The following NME7 variants were observed in gnomAD, a reference collection of about 807,000 sequenced individuals.
The protein encoded by NME7 is nucleoside diphosphate kinase 7.
In NME7, 41 loss-of-function variants were observed where a neutral mutation model predicts 49.1. The observed-to-expected ratio is 0.83, with a 90% confidence interval of 0.65 to 1.08. NME7 has a LOEUF of 1.08. Among genes scored for constraint, NME7 ranks in the 50% least tolerant of loss-of-function variants. The pLI, the probability that NME7 is intolerant of heterozygous loss-of-function variation, is 0.00. For synonymous variants in NME7, 139 were observed against 150.6 expected, an observed-to-expected ratio of 0.92 and a Z score of 0.56; for missense variants, 423 against 463.4, an observed-to-expected ratio of 0.91 and a Z score of 0.80.
chr1:169,233,157 A>G (rs1480702026), intron 9 of NME7, among the ~76,000 whole-genome samples: 1 of 151,664 alleles, frequency 6.6e-6, no homozygotes, highest in African/African-American at 2.4e-5. Flanking sequence ...TTTATAGCAT[A>G]TATAGATGTA....
In NME7 at chr1:169,276,083, G is replaced by T. The variant is rs1182205493; in HGVS notation, c.754+11220C>A. ...CTTTTTGATGTGCTTGCTGGATTCA[G>T]TTTGCCAGTATTTTATTGAGGATTT... On this transcript the variant is annotated intron_variant, in intron 7 of 11. Coordinates refer to ENST00000367811, the MANE Select transcript of NME7 (RefSeq NM_013330.5). Among the ~76,000 whole-genome samples, 2 of 134,084 alleles carry T rather than the reference G, an allele frequency of 1.5e-5. 1 individual carries two copies. Among genetic ancestry groups the T allele is most frequent in the East Asian group, 4.0e-4 (2 of 5,036 alleles). 88.0% of individuals were successfully genotyped at this position (134,084 alleles called of 152,430 possible).
intron 10 of NME7, among the ~76,000 whole-genome samples, chr1:169,211,158 T>C (rs1289012646): frequency 6.6e-6 from 1 of 152,172 alleles, no homozygotes; most frequent in African/African-American, 2.4e-5. Flanking sequence ...ATTACCATAT[T>C]TGGTGAACTA....
chr1:169,183,675 G>A (rs947919589), intron 10 of NME7, among the ~76,000 whole-genome samples: 11 of 128,192 alleles, frequency 8.6e-5, no homozygotes, highest in South Asian at 2.6e-4. Flanking sequence ...GGTGGCAGGC[G>A]CCTGTAGTCC....
intron 6 of NME7, among the ~76,000 whole-genome samples, chr1:169,290,905 T>G (rs1368734676): frequency 2.0e-5 from 3 of 151,726 alleles, no homozygotes; most frequent in South Asian, 4.2e-4. Context: ...AGCCAACATA[T>G]GAAAAAAAGC....
chr1:169,169,501 A>T lies in NME7; in HGVS notation c.1044T>A (p.Thr348=), dbSNP rs200097150. ...PGTLRAIFGK[T]KIQNAVHCTD... is the part of the protein sequence containing the mutation. ...TACAGTGAACAGCATTCTGGATCTT[A>T]GTTTTACCAAAGATTGCTCTGAGAG... Residue 348 remains threonine (T), a synonymous_variant, in exon 11 of 12, where the codon ACT becomes ACA. Transcript: ENST00000367811. The T allele has an allele frequency of 3.3e-5, 53 of 1,614,078 alleles. No individual in the cohort carries two copies. In the East Asian group the frequency reaches 1.1e-3, roughly 33 times the overall value.
intron 1 of NME7, among the ~76,000 whole-genome samples, chr1:169,364,739 G>A (rs1305495217): frequency 6.6e-6 from 1 of 152,200 alleles, no homozygotes; most frequent in African/African-American, 2.4e-5. Context: ...AACTATGGGA[G>A]AAATTTATAG....
At chr1:169,182,344 C>G (rs1659953454) in intron 10 of NME7, among the ~76,000 whole-genome samples, 1 of 151,994 alleles carries the variant, frequency 6.6e-6, no homozygotes, top group Admixed American at 6.6e-5. Context: ...TCAGCTTGCA[C>G]AAAACTAACC....
intron 11 of NME7, among the ~76,000 whole-genome samples, chr1:169,134,716 G>C (rs10919074): frequency 0.097 from 14,769 of 152,050 alleles, 948 homozygotes; most frequent in Admixed American, 0.2. Context: ...CTTCAATTAA[G>C]AATAGTTTAA....
At chr1:169,219,721 A>G (rs1661084106) in intron 10 of NME7, among the ~76,000 whole-genome samples, 1 of 152,082 alleles carries the variant, frequency 6.6e-6, no homozygotes. Flanking sequence ...ATTGCAATTT[A>G]TTTGTCTGAT....
At chr1:169,323,402 C>A in intron 2 of NME7, 119 bp from the exon 3 acceptor site, 1 of 774,528 alleles carries the variant, frequency 1.3e-6, no homozygotes, top group Non-Finnish European at 1.8e-6. Flanking sequence ...AGGTTATATT[C>A]TGTTTCTTTT....
chr1:169,366,536 G>T (rs947028482), intron 1 of NME7, among the ~76,000 whole-genome samples: 7 of 152,212 alleles, frequency 4.6e-5, no homozygotes, highest in African/African-American at 7.2e-5. Context: ...AAGGCTGAAC[G>T]CACAGGAAAG....
intron 10 of NME7, among the ~76,000 whole-genome samples, chr1:169,216,649 A>G (rs60378653): frequency 0.07 from 10,661 of 152,298 alleles, 1,482 homozygotes; most frequent in East Asian, 0.66. Flanking sequence ...GTAAAAGCAC[A>G]AGCAAAACAA....
intron 10 of NME7, among the ~76,000 whole-genome samples, chr1:169,216,212 C>T (rs1265499137): frequency 2.6e-5 from 4 of 152,190 alleles, no homozygotes; most frequent in South Asian, 4.1e-4. Context: ...GCTGACACCA[C>T]CCAGGTAGCT....
chr1:169,138,992 T>C (rs1305271444), intron 11 of NME7, among the ~76,000 whole-genome samples: 2 of 152,222 alleles, frequency 1.3e-5, no homozygotes, highest in African/African-American at 2.4e-5. Flanking sequence ...GCCTCGAAGA[T>C]GGTTTTGGTT....
intron 7 of NME7, among the ~76,000 whole-genome samples, chr1:169,271,175 G>A (rs1649478909): frequency 7.5e-6 from 1 of 133,352 alleles, no homozygotes. Flanking sequence ...AATGAGAAGT[G>A]AAACCACTGC....
intron 1 of NME7, among the ~76,000 whole-genome samples, chr1:169,340,007 G>C (rs1269345267): frequency 1.9e-5 from 2 of 107,060 alleles, no homozygotes; most frequent in African/African-American, 4.3e-5. Flanking sequence ...AGTAGTAAAG[G>C]CTCCCTGACT....
chr1:169,318,160 G>A (rs1213763746), intron 3 of NME7, among the ~76,000 whole-genome samples: 1 of 152,160 alleles, frequency 6.6e-6, no homozygotes. Flanking sequence ...TTTTCCTCAG[G>A]CAGGCCTCAA....
At chr1:169,270,835 C>T (rs995107801) in intron 7 of NME7, among the ~76,000 whole-genome samples, 1 of 132,972 alleles carries the variant, frequency 7.5e-6, no homozygotes, top group African/African-American at 2.5e-5. Context: ...GTAATTAATC[C>T]AATATCCCAT....
chr1:169,230,442 T>C (rs186712463), intron 10 of NME7, among the ~76,000 whole-genome samples: 2 of 152,130 alleles, frequency 1.3e-5, no homozygotes, highest in Non-Finnish European at 2.9e-5. Context: ...GCAAAATGTA[T>C]TTACCTGGAC....
Sources: allele counts gnomAD v4.1 joint callset (sites outside exome capture counted in the v4.1 genomes callset), GRCh38; gene constraint gnomAD v4.1.1; transcripts MANE v1.5; gene names NCBI Gene and HGNC (gene_info 2026-07-23, HGNC 2026-07-21).